The following EIPR1 variants were observed in gnomAD, a reference collection of about 807,000 sequenced individuals.
The protein encoded by EIPR1 is EARP and GARP complex-interacting protein 1.
EIPR1 carries 25 observed loss-of-function variants against 48.1 expected under a neutral mutation model. The ratio of observed to expected loss-of-function variants is 0.52; its 90% CI spans 0.38 to 0.73. The LOEUF (loss-of-function observed/expected upper bound fraction) is 0.73, where lower values mean the gene tolerates loss of function less well. Ranked by LOEUF, EIPR1 falls within the 30% of genes least tolerant of loss-of-function variation. The pLI, the probability that EIPR1 is intolerant of heterozygous loss-of-function variation, is 0.00. For missense variants in EIPR1, 415 were observed against 506.2 expected (o/e 0.82, Z 1.73); for synonymous variants, 204 against 201.9 (o/e 1.01, Z -0.09).
intron 1 of EIPR1, among the ~76,000 whole-genome samples, chr2:3,356,935 T>C (rs1670743878): frequency 6.6e-6 from 1 of 152,270 alleles, no homozygotes; most frequent in South Asian, 2.1e-4. Flanking sequence ...CTTTTCTGCA[T>C]GGCAGTAGGG....
intron 5 of EIPR1, 54 bp downstream of exon 5, chr2:3,214,095 C>T (rs1449664615): frequency 1.3e-5 from 20 of 1,521,156 alleles, no homozygotes; most frequent in East Asian, 2.3e-5. Context: ...TGAGAACATG[C>T]GGGGTTTGGT....
intron 3 of EIPR1, among the ~76,000 whole-genome samples, chr2:3,270,560 A>G (rs1034232879): frequency 1.3e-5 from 2 of 152,156 alleles, no homozygotes; most frequent in Admixed American, 1.3e-4. Context: ...GAGTCATATT[A>G]ATTTTTTGGT....
chr2:3,274,832 G>A (rs939057037), intron 3 of EIPR1, among the ~76,000 whole-genome samples: 1 of 152,054 alleles, frequency 6.6e-6, no homozygotes, highest in Non-Finnish European at 1.5e-5. Flanking sequence ...CATATTGTTG[G>A]AATAGAGAAA....
In EIPR1 at chr2:3,350,937, C is replaced by T. The variant is rs188468776; in HGVS notation, c.126+3613G>A. On this transcript the variant is annotated intron_variant, in intron 2 of 8. Coordinates refer to ENST00000382125, the MANE Select transcript of EIPR1 (RefSeq NM_003310.5). ...CTTTAAAATAATTAATTGAATGTTA[C>T]TTCGTTCCAAAAAAAAAAAAAAAAA... is the stretch of plus-strand genomic sequence containing the variant. Among the ~76,000 whole-genome samples the T allele has an allele frequency of 2.2e-3, 188 of 85,248 alleles. 1 individual carries two copies. Among genetic ancestry groups the T allele is most frequent in the Middle Eastern group, 0.017 (2 of 118 alleles). 55.9% of individuals were successfully genotyped at this position (85,248 alleles called of 152,430 possible).
chr2:3,313,554 G>A (rs1482333904), intron 3 of EIPR1, among the ~76,000 whole-genome samples: 2 of 152,148 alleles, frequency 1.3e-5, no homozygotes, highest in Non-Finnish European at 2.9e-5. Flanking sequence ...GGACATAAAC[G>A]GGCTTCGAGA....
intron 3 of EIPR1, 125 bp from the exon 4 acceptor site, chr2:3,257,580 T>C (rs1667200235): frequency 7.5e-6 from 9 of 1,193,326 alleles, no homozygotes; most frequent in Admixed American, 7.1e-5. Flanking sequence ...ATATGTACGA[T>C]TGCAGGCAGC....
At chr2:3,299,242 CCT>C (rs1218592755) in intron 3 of EIPR1, among the ~76,000 whole-genome samples, 1 of 152,192 alleles carries the variant, frequency 6.6e-6, no homozygotes, top group Non-Finnish European at 1.5e-5. Flanking sequence ...TGGACTGCCC[CCT>C]GTCCTGGAGT....
In EIPR1 at chr2:3,377,775, C is replaced by G; in HGVS notation, c.-86G>C. ...GCGTCCCCACCTCGCGGGCGTGTTC[C>G]CAGCGCCCATTCATTCCCTCCCCGC... is the stretch of plus-strand genomic sequence containing the variant. On this transcript the variant is annotated 5_prime_UTR_variant, in exon 1 of 9. Coordinates refer to ENST00000382125, the MANE Select transcript of EIPR1 (RefSeq NM_003310.5). 1.3e-6 allele frequency: 2 copies of G among 1,505,894 alleles called. No homozygotes were observed. Among genetic ancestry groups the G allele is most frequent in the South Asian group, 2.4e-5 (2 of 82,360 alleles). The allele number at this position is 1,505,894 out of a possible 1,614,324, so 93.3% of individuals were successfully genotyped here.
At position 3,194,109 on chromosome 2, in the gene EIPR1, A is replaced by G. The variant is rs1423781103; in HGVS notation, c.711T>C (p.Asn237=). 5 of 1,613,850 alleles carry G rather than the reference A, an allele frequency of 3.1e-6. No homozygotes were observed. The highest frequency in any genetic ancestry group is 4.2e-6 in the Non-Finnish European group (5 of 1,180,020). The change falls in exon 7 of 9, where the codon AAT becomes AAC. Residue 237 remains asparagine, a synonymous_variant. Transcript: ENST00000382125. ...TGGCCAAGTAGTACTGCTTATTGGG[A>G]TTAAAGTCAAGGTCCCGCACCAGCT... The part of the protein sequence containing the change: ...HGQLVRDLDF[N]PNKQYYLASC...
intron 3 of EIPR1, among the ~76,000 whole-genome samples, chr2:3,317,571 G>A (rs1558294238): frequency 6.6e-6 from 1 of 152,214 alleles, no homozygotes; most frequent in Admixed American, 6.5e-5. Flanking sequence ...AGTCTAGATA[G>A]AGGCCCCTCC....
At chr2:3,218,751 A>C (rs1437169753) in intron 4 of EIPR1, among the ~76,000 whole-genome samples, 12 of 144,560 alleles carry the variant, frequency 8.3e-5, no homozygotes, top group African/African-American at 3.2e-4. Context: ...TGCACACTCA[A>C]CACGACCCTG....
intron 4 of EIPR1, among the ~76,000 whole-genome samples, chr2:3,252,276 C>T (rs1168861594): frequency 6.6e-6 from 1 of 152,034 alleles, no homozygotes; most frequent in African/African-American, 2.4e-5. Context: ...TACTGAGCAG[C>T]GGCAACTCCT....
At position 3,322,008 on chromosome 2, in the gene EIPR1, C is replaced by T. The variant is rs530925546; in HGVS notation, c.259+16009G>A. Among the ~76,000 whole-genome samples the T allele has an allele frequency of 1.8e-4, 28 of 152,326 alleles. No homozygotes were observed. In the East Asian group the frequency reaches 5.0e-3, roughly 27 times the overall value. ...AAGCCAATTCTCGACAGCATCTTAT[C>T]CGAGGGATCGGTGGTGAATTCCACC... On this transcript the variant is annotated intron_variant, in intron 3 of 8. Coordinates refer to ENST00000382125, the MANE Select transcript of EIPR1 (RefSeq NM_003310.5).
At chr2:3,301,648 T>C (rs1330077154) in intron 3 of EIPR1, among the ~76,000 whole-genome samples, 1 of 152,260 alleles carries the variant, frequency 6.6e-6, no homozygotes, top group Non-Finnish European at 1.5e-5. Context: ...AAAGTGTTTC[T>C]GGTCTTATAA....
At chr2:3,253,409 T>A (rs1667062261) in intron 4 of EIPR1, among the ~76,000 whole-genome samples, 1 of 152,186 alleles carries the variant, frequency 6.6e-6, no homozygotes, top group Non-Finnish European at 1.5e-5. Flanking sequence ...TCACTCATAT[T>A]CAGCTCAGAA....
intron 2 of EIPR1, among the ~76,000 whole-genome samples, chr2:3,338,590 C>T (rs577279280): frequency 2.8e-4 from 42 of 152,190 alleles, no homozygotes; most frequent in African/African-American, 9.9e-4. Flanking sequence ...TGGGACTGAC[C>T]ACGCCTGGCC....
chr2:3,205,400 C>A (rs936242064), intron 5 of EIPR1, among the ~76,000 whole-genome samples: 1 of 152,208 alleles, frequency 6.6e-6, no homozygotes, highest in Non-Finnish European at 1.5e-5. Flanking sequence ...CCGTGGGAGT[C>A]TGCATGTGAT....
At chr2:3,224,827 T>C (rs563579568) in intron 4 of EIPR1, among the ~76,000 whole-genome samples, 38 of 152,334 alleles carry the variant, frequency 2.5e-4, no homozygotes, top group Non-Finnish European at 4.7e-4. Context: ...CCGGAACCCC[T>C]GTTACATCTG....
At chr2:3,357,105 G>C (rs1670747610) in intron 1 of EIPR1, among the ~76,000 whole-genome samples, 1 of 152,174 alleles carries the variant, frequency 6.6e-6, no homozygotes, top group Non-Finnish European at 1.5e-5. Flanking sequence ...CATTTACATG[G>C]GGTAAACACC....
Sources: allele counts gnomAD v4.1 joint callset (sites outside exome capture counted in the v4.1 genomes callset), GRCh38; gene constraint gnomAD v4.1.1; transcripts MANE v1.5; gene names NCBI Gene and HGNC (gene_info 2026-07-23, HGNC 2026-07-21).